Variants in EHBP1 observed in about 807,000 individuals in gnomAD.
EHBP1 encodes the protein EH domain binding protein 1, also known as EH domain-binding protein 1.
Under a neutral mutation model 144.0 loss-of-function variants are expected in EHBP1, and 55 were observed. The observed-to-expected ratio is 0.38, with a 90% confidence interval of 0.31 to 0.48. The LOEUF (loss-of-function observed/expected upper bound fraction) is 0.48. Among genes scored for constraint, EHBP1 ranks in the 20% least tolerant of loss-of-function variants. The pLI, the probability that EHBP1 is intolerant of heterozygous loss-of-function variation, is 0.98. For missense variants in EHBP1, 1,200 were observed against 1,364.2 expected, an observed-to-expected ratio of 0.88 and a Z score of 1.90; for synonymous variants, 469 against 472.7, an observed-to-expected ratio of 0.99 and a Z score of 0.10.
chr2:63,020,249 G>GGTGGAGGTTGCAGT (rs1371739298), intron 19 of EHBP1, among the ~76,000 whole-genome samples: 3 of 150,894 alleles, frequency 2.0e-5, no homozygotes, highest in African/African-American at 4.9e-5. Flanking sequence ...ACTTGAACCT[G>GGTGGAGGTTGCAGT]GGTGGTGGAG....
At chr2:63,018,238 C>A (rs993476281) in intron 19 of EHBP1, among the ~76,000 whole-genome samples, 5 of 152,108 alleles carry the variant, frequency 3.3e-5, no homozygotes, top group African/African-American at 1.2e-4. Flanking sequence ...TTTCTACTTT[C>A]AATTTTAAAA....
At chr2:62,897,185 T>C (rs1002235815) in intron 10 of EHBP1, among the ~76,000 whole-genome samples, 3 of 152,304 alleles carry the variant, frequency 2.0e-5, no homozygotes, top group South Asian at 2.1e-4. Context: ...TTATTCCCTT[T>C]CTTGCCCCAA....
intron 19 of EHBP1, among the ~76,000 whole-genome samples, chr2:63,030,646 C>T (rs974193086): frequency 6.6e-6 from 1 of 151,898 alleles, no homozygotes; most frequent in Non-Finnish European, 1.5e-5. Context: ...CACCACCACA[C>T]CCAGCTAATT....
At chr2:62,982,282 G>A (rs1310955692) in intron 15 of EHBP1, among the ~76,000 whole-genome samples, 3 of 152,238 alleles carry the variant, frequency 2.0e-5, no homozygotes, top group Non-Finnish European at 4.4e-5. Context: ...TGTAAGCCAT[G>A]TGCTGTCTGT....
chr2:63,005,895 A>G (rs1439408594), intron 19 of EHBP1, among the ~76,000 whole-genome samples: 1 of 152,070 alleles, frequency 6.6e-6, no homozygotes, highest in Non-Finnish European at 1.5e-5. Flanking sequence ...TAACATGCCT[A>G]AAATACTTGG....
intron 5 of EHBP1, among the ~76,000 whole-genome samples, chr2:62,820,715 GT>G (rs1194485270): frequency 8.1e-6 from 1 of 123,692 alleles, no homozygotes; most frequent in Non-Finnish European, 1.6e-5. Flanking sequence ...CATTGGGTGT[GT>G]GTGTGTGTGT....
At chr2:62,764,442 C>G (rs911227965) in intron 4 of EHBP1, 81 bp downstream of exon 4, 14 of 1,144,156 alleles carry the variant, frequency 1.2e-5, no homozygotes, top group South Asian at 5.4e-5. Flanking sequence ...GTTCATTGTT[C>G]TATACATTTG....
chr2:62,720,343 T>C (rs2036106569), intron 2 of EHBP1, among the ~76,000 whole-genome samples: 1 of 152,184 alleles, frequency 6.6e-6, no homozygotes, highest in Non-Finnish European at 1.5e-5. Flanking sequence ...GCCATAGTTG[T>C]CCTTCTAAAA....
In EHBP1 at chr2:62,943,377, A is replaced by G. The variant is rs1428005878; in HGVS notation, c.1365-425A>G. On this transcript the variant is annotated intron_variant, in intron 11 of 22. Coordinates refer to ENST00000431489, the MANE Select transcript of EHBP1 (RefSeq NM_001142616.3). ...GGCAACAAGAGCGAAACTCCGTCTCAAAAAAAAAAAAAAAAAAAAAAAATG... is the reference window on the plus strand; with the variant it reads ...GGCAACAAGAGCGAAACTCCGTCTCGAAAAAAAAAAAAAAAAAAAAAAATG... 6.4e-4 allele frequency among the ~76,000 whole-genome samples: 6 copies of G among 9,326 alleles called. No homozygotes were observed. The East Asian group carries it at 0.011, about 18-fold the overall frequency. The allele number at this position is 9,326 out of a possible 152,430, so 6.1% of individuals were successfully genotyped here.
In EHBP1 at chr2:62,707,117, T is replaced by G. The variant is rs550453529; in HGVS notation, c.-75T>G. 12 of 1,152,328 alleles carry G rather than the reference T, an allele frequency of 1.0e-5. No individual in the cohort carries two copies. The highest frequency in any genetic ancestry group is 4.6e-5 in the African/African-American group (3 of 65,812). The allele number at this position is 1,152,328 out of a possible 1,614,324, so 71.4% of individuals were successfully genotyped here. A position where few individuals can be genotyped will look rare whatever the true frequency, so the allele number is the denominator to read the frequency against. On this transcript the variant is annotated 5_prime_UTR_variant, in exon 2 of 23. Transcript: ENST00000431489. ...AAAAGACATACATGCAAAGTTCCTT[T>G]GCTTTGGACCCTCTGCATTATTAAA...
At chr2:62,835,402 A>G (rs955336126) in intron 7 of EHBP1, among the ~76,000 whole-genome samples, 1 of 152,296 alleles carries the variant, frequency 6.6e-6, no homozygotes, top group African/African-American at 2.4e-5. Flanking sequence ...TTAGGCTGGT[A>G]TTCTCTCTAA....
At position 62,949,151 on chromosome 2, in the gene EHBP1, A is replaced by G. The variant is rs1275968515; in HGVS notation, c.2305A>G (p.Lys769Glu). 6.4e-7 allele frequency: 1 copy of G among 1,551,136 alleles called. No individual in the cohort carries two copies. The highest frequency in any genetic ancestry group is 1.4e-5 in the African/African-American group (1 of 72,146). The change falls in exon 13 of 23, where the codon AAA becomes GAA. Residue 769 changes from lysine to glutamate, a missense_variant. By Grantham distance (56) the Lys-to-Glu change is moderately conservative. Around this residue, in one of 6 missense-constraint regions of EHBP1, gnomAD observed 543 missense variants for 513.1 expected, o/e 1.06. Coordinates refer to ENST00000431489, the MANE Select transcript of EHBP1 (RefSeq NM_001142616.3). ...TTLNHADHSS[K>E]IVQHRLLSRQ... ...TTTAAATCATGCAGATCATTCATCA[A>G]AAATAGTCCAGGTAAGTGAGTTAGA...
Position 62,707,035 on chromosome 2 carries a change from A to G in EHBP1, c.-157A>G. On this transcript the variant is annotated 5_prime_UTR_variant, in exon 2 of 23. The change abolishes the stop of an existing upstream ORF in the 5' untranslated region. Transcript: ENST00000431489. ...CATCTAAGATGGGATTTACCCTGTG[A>G]AACAGGGAGAAGACTTATGGACCCC... 1 of 601,832 alleles carries G rather than the reference A, an allele frequency of 1.7e-6. No homozygotes were observed. The highest frequency in any genetic ancestry group is 3.0e-6 in the Non-Finnish European group (1 of 332,954). The allele number at this position is 601,832 out of a possible 1,614,324, so 37.3% of individuals were successfully genotyped here. A position where few individuals can be genotyped will look rare whatever the true frequency, so the allele number is the denominator to read the frequency against.
At chr2:63,035,196 A>T (rs1448445653) in intron 19 of EHBP1, among the ~76,000 whole-genome samples, 1 of 151,998 alleles carries the variant, frequency 6.6e-6, no homozygotes, top group African/African-American at 2.4e-5. Context: ...AGAAATTTTA[A>T]TTTTTTTAGT....
chr2:62,892,774 C>T (rs572601297), intron 10 of EHBP1, among the ~76,000 whole-genome samples: 2 of 152,024 alleles, frequency 1.3e-5, no homozygotes, highest in South Asian at 4.2e-4. Context: ...TAGAGCTCCT[C>T]TAATTTTTTG....
intron 21 of EHBP1, chr2:63,044,372 A>G (rs2061839295): frequency 6.6e-6 from 1 of 152,034 alleles, no homozygotes; most frequent in Admixed American, 6.6e-5. Flanking sequence ...TCCTTTGCAA[A>G]AGTGCTTTGA....
chr2:62,948,717 G>A lies in EHBP1; in HGVS notation c.1871G>A (p.Ser624Asn), dbSNP rs140493234. 2.8e-4 allele frequency: 450 copies of A among 1,614,094 alleles called. 1 individual carries two copies. In the Middle Eastern group the frequency reaches 3.0e-3, roughly 11 times the overall value. Residue 624 changes from serine to asparagine, a missense_variant, in exon 13 of 23, where the codon AGC (serine) becomes AAC (asparagine). Ser to Asn is a conservative substitution (Grantham distance 46). This residue lies in a region of EHBP1 where 543 missense variants were observed against 513.1 expected (regional missense o/e 1.06). Transcript: ENST00000431489. The stretch of plus-strand genomic sequence containing the variant: ...ACAGAACCCCAGAAGTCTCAGCAGA[G>A]CTCTGGAAGGACTTCAGGATCTGAT... ...SDTEPQKSQQ[S>N]SGRTSGSDDP...
intron 19 of EHBP1, among the ~76,000 whole-genome samples, chr2:63,003,838 A>G (rs143904362): frequency 6.6e-6 from 1 of 152,178 alleles, no homozygotes; most frequent in Non-Finnish European, 1.5e-5. Context: ...AAAGCATTTA[A>G]TTTTATAGTT....
chr2:62,734,656 G>C (rs1176668530), intron 2 of EHBP1, among the ~76,000 whole-genome samples: 1 of 152,016 alleles, frequency 6.6e-6, no homozygotes, highest in African/African-American at 2.4e-5. Context: ...AGTGGTTATT[G>C]GTGTAGTTAA....
Sources: allele counts gnomAD v4.1 joint callset (sites outside exome capture counted in the v4.1 genomes callset), GRCh38; gene constraint gnomAD v4.1.1; regional missense constraint gnomAD v4.1.1; transcripts MANE v1.5; gene names NCBI Gene and HGNC (gene_info 2026-07-23, HGNC 2026-07-21).